The following AR variants were observed in gnomAD, a reference collection of about 807,000 sequenced individuals.
AR encodes androgen receptor, also known as dihydrotestosterone receptor.
Under a neutral mutation model 53.9 loss-of-function variants are expected in AR, and 8 were observed. That is an observed-to-expected ratio of 0.15 (90% CI 0.09 to 0.27). The LOEUF (loss-of-function observed/expected upper bound fraction) is 0.27, where lower values mean the gene tolerates loss of function less well. Ranked by LOEUF, AR falls within the 10% of genes least tolerant of loss-of-function variation. AR has a pLI of 1.00. For missense variants in AR, 639 were observed against 742.5 expected, an observed-to-expected ratio of 0.86 and a Z score of 1.62; for synonymous variants, 359 against 316.4, an observed-to-expected ratio of 1.13 and a Z score of -1.43.
intron 3 of AR, among the ~76,000 whole-genome samples, chrX:67,708,446 G>T (rs550077260): frequency 1.8e-5 from 2 of 111,869 alleles, no homozygotes; most frequent in African/African-American, 6.5e-5. Context: ...AGCTACTGAA[G>T]CTTGTGCATT....
In AR at chrX:67,716,566, G is replaced by A. The variant is rs142161318; in HGVS notation, c.2174-912G>A. 1.0e-3 allele frequency among the ~76,000 whole-genome samples: 117 copies of A among 111,683 alleles called. 1 individual carries two copies. The highest frequency in any genetic ancestry group is 3.7e-3 in the African/African-American group (113 of 30,695). On this transcript the variant is annotated intron_variant, in intron 4 of 7. Transcript: ENST00000374690. The stretch of plus-strand genomic sequence containing the variant: ...AAGGGCCTATTCATGTATAATGATG[G>A]CAGTAAGATGAGGATGGCAGTAGGG...
At chrX:67,588,109 A>G (rs1203689243) in intron 1 of AR, among the ~76,000 whole-genome samples, 3 of 111,506 alleles carry the variant, frequency 2.7e-5, no homozygotes, top group South Asian at 3.9e-4. Flanking sequence ...CTGTTACTCA[A>G]TATCTTGGCC....
Position 67,546,001 on chromosome X carries a change from C to T in AR, c.855C>T (p.Ala285=), listed in dbSNP as rs765750147. The T allele has an allele frequency of 5.0e-6, 6 of 1,210,973 alleles. No homozygotes were observed. The highest frequency in any genetic ancestry group is 5.6e-6 in the Non-Finnish European group (5 of 895,445). The part of the protein sequence containing the change: ...VPPAVRPTPC[A]PLAECKGSLL... ...CCGCTGTGCGTCCCACTCCTTGTGC[C>T]CCATTGGCCGAATGCAAAGGTTCTC... The change falls in exon 1 of 8, where the codon GCC becomes GCT. Residue 285 remains alanine, a synonymous_variant. Coordinates refer to ENST00000374690, the MANE Select transcript of AR (RefSeq NM_000044.6).
chrX:67,664,690 T>C (rs1927158082), intron 2 of AR, among the ~76,000 whole-genome samples: 1 of 112,477 alleles, frequency 8.9e-6, no homozygotes, highest in Non-Finnish European at 1.9e-5. Context: ...CTGCCTTTTG[T>C]TCGGCTATGC....
chrX:67,553,176 A>G (rs1368001964), intron 1 of AR, among the ~76,000 whole-genome samples: 1 of 112,011 alleles, frequency 8.9e-6, no homozygotes, highest in East Asian at 2.8e-4. Context: ...TTTCCTTCTA[A>G]GAGTTTTATA....
At chrX:67,644,452 A>G (rs1344071330) in intron 2 of AR, among the ~76,000 whole-genome samples, 2 of 112,095 alleles carry the variant, frequency 1.8e-5, no homozygotes, top group African/African-American at 6.5e-5. Flanking sequence ...CAGAACCAGA[A>G]CAGAGAACCT....
intron 2 of AR, among the ~76,000 whole-genome samples, chrX:67,659,369 C>T (rs1411786122): frequency 9.0e-6 from 1 of 110,710 alleles, no homozygotes; most frequent in Admixed American, 9.7e-5. Context: ...CTTCCCCTCT[C>T]CCCTCTCCCC....
chrX:67,670,097 T>C (rs1192444667), intron 2 of AR, among the ~76,000 whole-genome samples: 4 of 91,211 alleles, frequency 4.4e-5, no homozygotes, highest in Admixed American at 1.3e-4. Flanking sequence ...TCTTTAGTAG[T>C]GGATTTTGAG....
intron 1 of AR, among the ~76,000 whole-genome samples, chrX:67,566,438 G>A (rs929507549): frequency 2.7e-5 from 3 of 111,640 alleles, no homozygotes; most frequent in Non-Finnish European, 5.6e-5. Flanking sequence ...TCTTTTATTT[G>A]GGGTAAATGA....
intron 2 of AR, among the ~76,000 whole-genome samples, chrX:67,662,859 A>T (rs1927015516): frequency 1.8e-5 from 2 of 111,395 alleles, no homozygotes; most frequent in South Asian, 7.6e-4. Flanking sequence ...TGTTGAATTG[A>T]TCCCTTTACC....
chrX:67,562,811 C>T (rs1374366377), intron 1 of AR, among the ~76,000 whole-genome samples: 1 of 111,603 alleles, frequency 9.0e-6, no homozygotes, highest in Non-Finnish European at 1.9e-5. Flanking sequence ...AGGACAGTAA[C>T]ATAACCCCTC....
intron 2 of AR, chrX:67,680,668 A>C (rs1379906706): frequency 3.0e-6 from 1 of 327,946 alleles, no homozygotes; most frequent in African/African-American, 2.7e-5. Flanking sequence ...GCATAATGTG[A>C]TGCCACTAAT....
intron 2 of AR, among the ~76,000 whole-genome samples, chrX:67,645,979 AAAC>A (rs1317136241): frequency 8.9e-6 from 1 of 111,847 alleles, no homozygotes; most frequent in African/African-American, 3.2e-5. Context: ...TGGCTTGTTG[AAAC>A]ATCAAATTAT....
At chrX:67,659,823 C>G (rs759116888) in intron 2 of AR, among the ~76,000 whole-genome samples, 1 of 111,954 alleles carries the variant, frequency 8.9e-6, no homozygotes, top group East Asian at 2.8e-4. Context: ...AACTAGTTTA[C>G]AGTCCCACCA....
At chrX:67,572,332 A>G (rs1294897022) in intron 1 of AR, among the ~76,000 whole-genome samples, 3 of 111,393 alleles carry the variant, frequency 2.7e-5, no homozygotes, top group African/African-American at 9.8e-5. Flanking sequence ...CGTGGTAAAA[A>G]TTATTAATGC....
intron 1 of AR, among the ~76,000 whole-genome samples, chrX:67,637,070 A>G (rs1358032548): frequency 8.9e-6 from 1 of 111,788 alleles, no homozygotes; most frequent in Admixed American, 9.5e-5. Flanking sequence ...TCACTTTAGT[A>G]TGGATGAAAA....
chrX:67,612,490 C>A (rs941392190), intron 1 of AR, among the ~76,000 whole-genome samples: 2 of 112,090 alleles, frequency 1.8e-5, no homozygotes, highest in Non-Finnish European at 3.8e-5. Context: ...GCTGTTTCCC[C>A]GTGTGGGGCA....
At chrX:67,690,549 A>G (rs2075990345) in intron 3 of AR, among the ~76,000 whole-genome samples, 1 of 111,980 alleles carries the variant, frequency 8.9e-6, no homozygotes, top group Non-Finnish European at 1.9e-5. Context: ...TCATCCATGT[A>G]TCTATCCATT....
At chrX:67,708,718 G>A (rs2076080028) in intron 3 of AR, among the ~76,000 whole-genome samples, 2 of 112,060 alleles carry the variant, frequency 1.8e-5, no homozygotes, top group Non-Finnish European at 3.8e-5. Context: ...GAGGGGCTCT[G>A]ATTTTTAGAA....
Sources: allele counts gnomAD v4.1 joint callset (sites outside exome capture counted in the v4.1 genomes callset), GRCh38; gene constraint gnomAD v4.1.1; transcripts MANE v1.5; gene names NCBI Gene and HGNC (gene_info 2026-07-23, HGNC 2026-07-21).